The following DLG2 variants were observed in gnomAD, a reference collection of about 807,000 sequenced individuals.
The protein encoded by DLG2 is disks large homolog 2.
Under a neutral mutation model 132.5 loss-of-function variants are expected in DLG2, and 45 were observed. The observed-to-expected ratio is 0.34, with a 90% CI of 0.27 to 0.44. The LOEUF (loss-of-function observed/expected upper bound fraction) is 0.44, where lower values mean the gene tolerates loss of function less well. Ranked by LOEUF, DLG2 falls within the 20% of genes least tolerant of loss-of-function variation. The pLI, the probability that DLG2 is intolerant of heterozygous loss-of-function variation, is 1.00. For synonymous variants in DLG2, 424 were observed against 419.6 expected, an observed-to-expected ratio of 1.01 and a Z score of -0.13; for missense variants, 1,045 against 1,196.9, an observed-to-expected ratio of 0.87 and a Z score of 1.87.
intron 3 of DLG2, among the ~76,000 whole-genome samples, chr11:85,488,077 C>T (rs559591692): frequency 6.6e-6 from 1 of 152,286 alleles, no homozygotes; most frequent in East Asian, 1.9e-4. Context: ...CCTCATTTTT[C>T]TCTTGACACT....
At chr11:83,617,192 A>T (rs1251971009) in intron 19 of DLG2, among the ~76,000 whole-genome samples, 1 of 152,244 alleles carries the variant, frequency 6.6e-6, no homozygotes, top group East Asian at 1.9e-4. Flanking sequence ...TAAATAAAAA[A>T]TATCTTCTGA....
chr11:83,848,431 G>A (rs1294676915), intron 16 of DLG2, among the ~76,000 whole-genome samples: 1 of 152,004 alleles, frequency 6.6e-6, no homozygotes, highest in East Asian at 1.9e-4. Flanking sequence ...TTTCTATTCA[G>A]TTGCTCCAGA....
chr11:83,830,284 T>C (rs1158630158), intron 17 of DLG2, among the ~76,000 whole-genome samples: 1 of 152,228 alleles, frequency 6.6e-6, no homozygotes, highest in Non-Finnish European at 1.5e-5. Context: ...TACTGTGTGG[T>C]CCTGGTAATA....
chr11:84,825,830 A>T (rs898895977), intron 6 of DLG2, among the ~76,000 whole-genome samples: 2 of 151,914 alleles, frequency 1.3e-5, no homozygotes, highest in African/African-American at 4.8e-5. Flanking sequence ...AGTCAGTCAC[A>T]GAATGTTTTC....
intron 7 of DLG2, among the ~76,000 whole-genome samples, chr11:84,378,345 A>T (rs1051818351): frequency 6.6e-6 from 1 of 152,166 alleles, no homozygotes; most frequent in African/African-American, 2.4e-5. Context: ...CAAGCCAAGA[A>T]AAGGTTCCTC....
At chr11:83,484,532 C>A (rs1235112992) in intron 21 of DLG2, among the ~76,000 whole-genome samples, 1 of 151,084 alleles carries the variant, frequency 6.6e-6, no homozygotes. Context: ...TTTGTGCTGG[C>A]TCTACGTCTT....
intron 3 of DLG2, among the ~76,000 whole-genome samples, chr11:85,528,641 TG>T (rs1477512174): frequency 6.6e-6 from 1 of 152,212 alleles, no homozygotes; most frequent in Admixed American, 6.5e-5. Context: ...GGCACTCAAA[TG>T]GGTTATGCTT....
intron 6 of DLG2, among the ~76,000 whole-genome samples, chr11:85,091,657 A>G (rs940238359): frequency 1.3e-5 from 2 of 152,204 alleles, no homozygotes; most frequent in African/African-American, 2.4e-5. Flanking sequence ...CAATGTTCAC[A>G]TCGTCTTCTT....
chr11:85,251,401 A>C (rs1232712432), intron 4 of DLG2, among the ~76,000 whole-genome samples: 2 of 152,302 alleles, frequency 1.3e-5, no homozygotes, highest in East Asian at 1.9e-4. Flanking sequence ...AATCAAATGA[A>C]AATAAACTCT....
At chr11:84,136,822 G>T (rs2094619143) in intron 9 of DLG2, among the ~76,000 whole-genome samples, 1 of 152,078 alleles carries the variant, frequency 6.6e-6, no homozygotes, top group Non-Finnish European at 1.5e-5. Flanking sequence ...TAAAACAGGA[G>T]ATTCATTTGC....
intron 8 of DLG2, among the ~76,000 whole-genome samples, chr11:84,240,911 T>C (rs1287984366): frequency 2.6e-5 from 4 of 152,274 alleles, no homozygotes; most frequent in African/African-American, 7.2e-5. Context: ...CAGCAATGCC[T>C]ACATGTTAAA....
intron 6 of DLG2, among the ~76,000 whole-genome samples, chr11:84,731,224 G>A (rs918660870): frequency 2.0e-5 from 3 of 152,008 alleles, no homozygotes; most frequent in South Asian, 2.1e-4. Context: ...GGTTGACGAC[G>A]TTAGCACATT....
At chr11:84,273,863 A>T (rs1435051375) in intron 7 of DLG2, among the ~76,000 whole-genome samples, 1 of 152,192 alleles carries the variant, frequency 6.6e-6, no homozygotes, top group African/African-American at 2.4e-5. Flanking sequence ...TACTGTCTTA[A>T]TGGCACTATG....
At chr11:85,272,785 C>T (rs887077212) in intron 4 of DLG2, among the ~76,000 whole-genome samples, 24 of 152,108 alleles carry the variant, frequency 1.6e-4, no homozygotes, top group Middle Eastern at 3.4e-3. Context: ...AAAAAGAGCC[C>T]GCATCACCAA....
At chr11:84,208,375 G>A (rs971639589) in intron 8 of DLG2, among the ~76,000 whole-genome samples, 13 of 138,678 alleles carry the variant, frequency 9.4e-5, no homozygotes, top group African/African-American at 3.6e-4. Flanking sequence ...AGATGGACTC[G>A]CTCTGTCATG....
At position 84,818,001 on chromosome 11, in the gene DLG2, G is replaced by A. The variant is rs1326677430; in HGVS notation, c.358-283270C>T. Among the ~76,000 whole-genome samples the A allele has an allele frequency of 2.0e-5, 3 of 152,000 alleles. No homozygotes were observed. The East Asian group carries it at 5.8e-4, about 30-fold the overall frequency. On this transcript the variant is annotated intron_variant, in intron 6 of 27. Transcript: ENST00000376104. ...TTCCTAGTGCTCCCCTCAATCCTGA[G>A]TACTAGCATATGCCAAACAGATGAT...
At chr11:84,677,978 C>T (rs972294924) in intron 6 of DLG2, among the ~76,000 whole-genome samples, 1 of 152,042 alleles carries the variant, frequency 6.6e-6, no homozygotes, top group Non-Finnish European at 1.5e-5. Flanking sequence ...AAGCAAAATT[C>T]TTCAGAGACT....
At chr11:84,097,241 CT>C (rs1369878605) in intron 10 of DLG2, among the ~76,000 whole-genome samples, 1 of 152,112 alleles carries the variant, frequency 6.6e-6, no homozygotes, top group Non-Finnish European at 1.5e-5. Context: ...TGACCTTAGG[CT>C]TTTTATTTGG....
Position 83,845,145 on chromosome 11 carries a change from G to A in DLG2, c.1566-11375C>T, listed in dbSNP as rs187300158. Among the ~76,000 whole-genome samples the A allele has an allele frequency of 5.9e-5, 9 of 152,100 alleles. No individual in the cohort carries two copies. The East Asian group carries it at 1.7e-3, about 29-fold the overall frequency. ...GTCTATTACCCGTGGAAGTCATATG[G>A]GAAGTCTACAGCTAGTCTTCCTGAA... On this transcript the variant is annotated intron_variant, in intron 16 of 27. Transcript: ENST00000376104.
Sources: gnomAD v4.1 joint callset for allele counts (sites outside exome capture counted in the v4.1 genomes callset) on GRCh38, gnomAD v4.1.1 for gene constraint, MANE v1.5 for transcripts, NCBI Gene and HGNC (gene_info 2026-07-23, HGNC 2026-07-21) for gene names.